The following CSPG4 variants were observed in gnomAD, a reference collection of about 807,000 sequenced individuals.
CSPG4 encodes the protein chondroitin sulfate proteoglycan 4, also known as chondroitin sulfate proteoglycan 4 (melanoma-associated).
CSPG4 carries 74 observed loss-of-function variants against 139.3 expected under a neutral mutation model. That is an observed-to-expected ratio of 0.53 (90% confidence interval 0.44 to 0.64). The LOEUF is 0.64. Among genes scored for constraint, CSPG4 ranks in the 30% least tolerant of loss-of-function variants. The pLI, the probability that CSPG4 is intolerant of heterozygous loss-of-function variation, is 0.00. For synonymous variants in CSPG4, 1,234 were observed against 1,394.2 expected (o/e 0.89, Z 2.56); for missense variants, 2,565 against 3,148.3 (o/e 0.81, Z 4.43).
chr15:75,685,392 C>A lies in CSPG4; in HGVS notation c.4099G>T (p.Val1367Phe). 6.2e-7 allele frequency: 1 copy of A among 1,611,002 alleles called. No homozygotes were observed. The highest frequency in any genetic ancestry group is 8.5e-7 in the Non-Finnish European group (1 of 1,179,382). The stretch of plus-strand genomic sequence containing the variant: ...AGGGTGAGGCTGCCACCCTCAGGGA[C>A]GCTGAAGTTTTGCGCCTCTAGTGGG... ...AIPLEAQNFSVPEGGSLTLAP... is the reference protein window; with the variant it reads ...AIPLEAQNFSFPEGGSLTLAP... The change falls in exon 4 of 10, where the codon GTC becomes TTC. Residue 1367 changes from valine to phenylalanine, a missense_variant. Transcript: ENST00000308508.
At chr15:75,697,606 G>A (rs1894245478) in intron 1 of CSPG4, among the ~76,000 whole-genome samples, 1 of 152,222 alleles carries the variant, frequency 6.6e-6, no homozygotes, top group African/African-American at 2.4e-5. Context: ...CTCCCGCCAT[G>A]TTCCTGGTTG....
intron 8 of CSPG4, 95 bp downstream of exon 8, chr15:75,682,198 C>T: frequency 6.9e-7 from 1 of 1,457,980 alleles, no homozygotes; most frequent in Non-Finnish European, 9.5e-7. Context: ...GCCAGTGATG[C>T]TGGAGCTGGC....
chr15:75,690,888 G>T, intron 2 of CSPG4, 76 bp from the exon 3 acceptor site: 1 of 1,476,800 alleles, frequency 6.8e-7, no homozygotes, highest in South Asian at 1.3e-5. Context: ...GCATAGAGCC[G>T]GGCGTGATTG....
chr15:75,712,689 A>T lies in CSPG4; in HGVS notation c.67T>A (p.Leu23Met). ...TCACCCGCGGATGCAAGTCTGGCCA[A>T]CATAGTCAGGGTCAAAGCCAAGGCC... ...GLALALTLTM[L>M]ARLASAASFF... The change falls in exon 1 of 10, where the codon TTG (leucine) becomes ATG (methionine). Residue 23 changes from leucine (L) to methionine (M), a missense_variant. Transcript: ENST00000308508. The T allele has an allele frequency of 6.4e-7, 1 of 1,565,756 alleles. No homozygotes were observed. The highest frequency in any genetic ancestry group is 8.7e-7 in the Non-Finnish European group (1 of 1,155,756).
intron 1 of CSPG4, among the ~76,000 whole-genome samples, chr15:75,701,392 C>T (rs1894299404): frequency 6.6e-6 from 1 of 152,224 alleles, no homozygotes; most frequent in Non-Finnish European, 1.5e-5. Flanking sequence ...ACTGGTGGTG[C>T]TCCAGTGGGA....
chr15:75,687,864 A>G lies in CSPG4; in HGVS notation c.3201T>C (p.Ser1067=). ...VLTRKDLLFG[S]IVAVDEPTRP... The stretch of plus-strand genomic sequence containing the variant: ...GCGTGGGCTCATCTACGGCCACGAT[A>G]CTGCCAAAGAGGAGGTCCTTGCGGG... The change falls in exon 3 of 10, where the codon AGT becomes AGC. Residue 1067 remains serine (S), a synonymous_variant. Coordinates refer to ENST00000308508, the MANE Select transcript of CSPG4 (RefSeq NM_001897.5). The surrounding 1 kb of genome is among the most constrained non-coding windows in gnomAD (Gnocchi z 5.4). 1.9e-6 allele frequency: 3 copies of G among 1,612,932 alleles called. No homozygotes were observed. Among genetic ancestry groups the G allele is most frequent in the Non-Finnish European group, 2.5e-6 (3 of 1,180,022 alleles).
intron 1 of CSPG4, among the ~76,000 whole-genome samples, chr15:75,697,696 G>A (rs1221273339): frequency 6.6e-6 from 1 of 152,204 alleles, no homozygotes; most frequent in Non-Finnish European, 1.5e-5. Flanking sequence ...GACTTTATAA[G>A]GGAGAAATTC....
chr15:75,685,435 C>A lies in CSPG4; in HGVS notation c.4056G>T (p.Glu1352Asp), dbSNP rs1434495435. The change falls in exon 4 of 10, where the codon GAG becomes GAT. Residue 1352 changes from glutamate to aspartate, a missense_variant. Transcript: ENST00000308508. ...APLEGVLVELEVLPAAIPLEA... is the reference protein window; with the variant it reads ...APLEGVLVELDVLPAAIPLEA... ...CTAGTGGGATGGCAGCGGGCAGCAC[C>A]TCCAGCTCCACAAGGACGCCCTCGA... is the stretch of plus-strand genomic sequence containing the variant. 1 of 1,612,400 alleles carries A rather than the reference C, an allele frequency of 6.2e-7. No homozygotes were observed. Among genetic ancestry groups the A allele is most frequent in the Admixed American group, 1.7e-5 (1 of 59,992 alleles).
chr15:75,684,735 C>A lies in CSPG4; in HGVS notation c.4449+1G>T. On this transcript the variant is annotated splice_donor_variant, in intron 5 of 9. Transcript: ENST00000308508. LOFTEE classifies it high-confidence loss of function. ...GGGGGTGTTCCCAGGGATGCTCTCA[C>A]CTGCAGGCCTGTGTTTGTAGTGAGG... The A allele has an allele frequency of 6.2e-7, 1 of 1,611,528 alleles. No homozygotes were observed. The highest frequency in any genetic ancestry group is 1.1e-5 in the South Asian group (1 of 91,036).
chr15:75,705,246 T>C (rs950947311), intron 1 of CSPG4, among the ~76,000 whole-genome samples: 40 of 151,674 alleles, frequency 2.6e-4, no homozygotes, highest in African/African-American at 8.5e-4. Context: ...TTCTGAAGGG[T>C]CCTGGGCTGG....
rs993526367 is a variant in CSPG4, at chr15:75,674,977, T to C, written c.*573A>G. 1.0e-5 allele frequency: 4 copies of C among 395,676 alleles called. No homozygotes were observed. Among genetic ancestry groups the C allele is most frequent in the African/African-American group, 6.2e-5 (3 of 48,566 alleles). 24.5% of individuals were successfully genotyped at this position (395,676 alleles called of 1,614,324 possible). On this transcript the variant is annotated 3_prime_UTR_variant, in exon 10 of 10. Transcript: ENST00000308508. The stretch of plus-strand genomic sequence containing the variant: ...CCTGCACCCTGAATATATTATCCTA[T>C]TGGCTTATGCCTTCTAGACTGGAGG...
intron 8 of CSPG4, chr15:75,680,472 A>G (rs1893957896): frequency 6.6e-6 from 1 of 152,442 alleles, no homozygotes; most frequent in Non-Finnish European, 1.5e-5. Context: ...TTGTAGGCCA[A>G]ATAAACACGT....
chr15:75,678,746 C>T (rs184774897), intron 8 of CSPG4: 23 of 456,312 alleles, frequency 5.0e-5, no homozygotes, highest in Admixed American at 4.0e-4. Context: ...GCATAGTCCA[C>T]GCTCTCCCCC....
In CSPG4 at chr15:75,677,878, A is replaced by C. The variant is rs764455250; in HGVS notation, c.4959T>G (p.Ala1653=). ...LVNFTQAEVY[A]GNILYEHEMP... Reference sequence around the variant, plus strand: ...TCTCATGCTCATACAGAATATTCCCAGCGTAGACCTAGGGGAGACACCATC... The same window carrying C: ...TCTCATGCTCATACAGAATATTCCCCGCGTAGACCTAGGGGAGACACCATC... Residue 1653 remains alanine (A), a synonymous_variant, in exon 9 of 10, where the codon GCT becomes GCG. Transcript: ENST00000308508. 1 of 1,608,654 alleles carries C rather than the reference A, an allele frequency of 6.2e-7. No homozygotes were observed. The highest frequency in any genetic ancestry group is 1.7e-5 in the Admixed American group (1 of 59,104).
At chr15:75,705,793 G>A (rs1037948204) in intron 1 of CSPG4, among the ~76,000 whole-genome samples, 5 of 152,196 alleles carry the variant, frequency 3.3e-5, no homozygotes, top group African/African-American at 4.8e-5. Flanking sequence ...TCCCAAAAAG[G>A]GTGATTTGCT....
intron 8 of CSPG4, among the ~76,000 whole-genome samples, chr15:75,678,319 T>A (rs1893922516): frequency 6.6e-6 from 1 of 152,162 alleles, no homozygotes; most frequent in Admixed American, 6.5e-5. Flanking sequence ...ATGCTATTCT[T>A]TTGTCTCACT....
rs555361787 is a variant in CSPG4 at position 75,683,930 on chromosome 15, G to A, written c.4449+806C>T. Among the ~76,000 whole-genome samples, 17 of 152,266 alleles carry A rather than the reference G, an allele frequency of 1.1e-4. No homozygotes were observed. The East Asian group carries it at 1.7e-3, about 16-fold the overall frequency. The stretch of plus-strand genomic sequence containing the variant: ...CTGGTGGCTGTGCTGCCACACAGCC[G>A]TCCTGGCCTGTGGTTCCAGAGCACT... On this transcript the variant is annotated intron_variant, in intron 5 of 9. Coordinates refer to ENST00000308508, the MANE Select transcript of CSPG4 (RefSeq NM_001897.5).
chr15:75,684,960 A>G, intron 4 of CSPG4, 48 bp from the exon 5 acceptor site: 5 of 1,556,332 alleles, frequency 3.2e-6, no homozygotes, highest in Non-Finnish European at 4.4e-6. Flanking sequence ...AGCACCCTTC[A>G]TGCCCTGCCT....
intron 5 of CSPG4, among the ~76,000 whole-genome samples, chr15:75,684,024 G>T (rs906773361): frequency 3.3e-5 from 5 of 151,472 alleles, no homozygotes; most frequent in Non-Finnish European, 5.9e-5. Context: ...GACCACCAAG[G>T]CCCCGCCCCC....
Sources: allele counts gnomAD v4.1 joint callset (sites outside exome capture counted in the v4.1 genomes callset), GRCh38; gene constraint gnomAD v4.1.1; non-coding constraint Gnocchi (gnomAD v3.1); transcripts MANE v1.5; gene names NCBI Gene and HGNC (gene_info 2026-07-23, HGNC 2026-07-21).